The following C19orf18 variants were observed in gnomAD, a reference collection of about 807,000 sequenced individuals.
C19orf18 encodes chromosome 19 open reading frame 18.
A neutral mutation model predicts 23.3 loss-of-function variants in C19orf18; 21 were observed. The observed-to-expected ratio is 0.90, with a 90% confidence interval of 0.64 to 1.30. The LOEUF (loss-of-function observed/expected upper bound fraction) is 1.30, where lower values mean the gene tolerates loss of function less well. C19orf18 is among the 50% of genes most tolerant of loss of function. C19orf18 has a pLI of 0.00. For missense variants in C19orf18, 249 were observed against 259.6 expected, an observed-to-expected ratio of 0.96 and a Z score of 0.28; for synonymous variants, 96 against 95.2, an observed-to-expected ratio of 1.01 and a Z score of -0.05.
chr19:57,967,495 G>T (rs1328038839), intron 3 of C19orf18, among the ~76,000 whole-genome samples: 1 of 152,072 alleles, frequency 6.6e-6, no homozygotes, highest in Non-Finnish European at 1.5e-5. Flanking sequence ...GCCCACTCTT[G>T]TAATCCCAGC....
intron 3 of C19orf18, among the ~76,000 whole-genome samples, chr19:57,970,654 C>T (rs1336120740): frequency 1.3e-5 from 2 of 151,810 alleles, no homozygotes; most frequent in Admixed American, 6.6e-5. Flanking sequence ...GATCTCTGCT[C>T]ACTTCAACCT....
intron 3 of C19orf18, 32 bp downstream of exon 3, chr19:57,972,431 G>A: frequency 6.2e-7 from 1 of 1,612,064 alleles, no homozygotes; most frequent in Non-Finnish European, 8.5e-7. Flanking sequence ...AATGTTGCGG[G>A]TCCACCCGCC....
chr19:57,974,077 A>C (rs1003520146), intron 2 of C19orf18, 22 bp downstream of exon 2: 5 of 1,605,684 alleles, frequency 3.1e-6, no homozygotes, highest in Non-Finnish European at 4.3e-6. Flanking sequence ...CACTCCACTG[A>C]ATGAGGAATT....
At chr19:57,970,400 A>G (rs1304391739) in intron 3 of C19orf18, among the ~76,000 whole-genome samples, 2 of 152,170 alleles carry the variant, frequency 1.3e-5, no homozygotes, top group East Asian at 3.9e-4. Context: ...AAGTGAAACC[A>G]TAACTTCTCC....
intron 3 of C19orf18, among the ~76,000 whole-genome samples, chr19:57,969,812 A>G (rs554262761): frequency 1.3e-5 from 2 of 150,566 alleles, no homozygotes; most frequent in East Asian, 3.9e-4. Flanking sequence ...AGGCTGAGGC[A>G]GGAGAGCTGA....
At chr19:57,973,444 G>T (rs554573166) in intron 2 of C19orf18, among the ~76,000 whole-genome samples, 1 of 151,552 alleles carries the variant, frequency 6.6e-6, no homozygotes, top group Non-Finnish European at 1.5e-5. Context: ...AAGAATTCTC[G>T]GCTGGGCATG....
intron 4 of C19orf18, among the ~76,000 whole-genome samples, chr19:57,963,463 G>A (rs1357049204): frequency 6.6e-6 from 1 of 152,182 alleles, no homozygotes; most frequent in Non-Finnish European, 1.5e-5. Flanking sequence ...GAGTCAAAAG[G>A]AAAGGTGTGA....
chr19:57,958,476 T>C lies in C19orf18; in HGVS notation c.*126A>G. On this transcript the variant is annotated 3_prime_UTR_variant, in exon 6 of 6. Transcript: ENST00000314391. The stretch of plus-strand genomic sequence containing the variant: ...GGCTTTATTTTCTGGGATACAGGTC[T>C]GGCATTTCTTTCTTTGATGTCCTCT... 1.6e-6 allele frequency: 1 copy of C among 621,912 alleles called. No individual in the cohort carries two copies. The highest frequency in any genetic ancestry group is 2.8e-6 in the Non-Finnish European group (1 of 357,058). The allele number at this position is 621,912 out of a possible 1,614,324, so 38.5% of individuals were successfully genotyped here.
chr19:57,969,879 C>CA (rs71293938), intron 3 of C19orf18, among the ~76,000 whole-genome samples: 32,208 of 120,918 alleles, frequency 0.27, 4,342 homozygotes, highest in Non-Finnish European at 0.32. Flanking sequence ...AACTCCATCT[C>CA]AAAAAAAAAA....
intron 5 of C19orf18, among the ~76,000 whole-genome samples, chr19:57,958,979 G>T (rs1211614111): frequency 1.3e-5 from 2 of 152,186 alleles, no homozygotes; most frequent in African/African-American, 2.4e-5. Flanking sequence ...ATGTGGTAAA[G>T]AGACATTGGG....
chr19:57,959,153 T>C (rs10424113), intron 5 of C19orf18, among the ~76,000 whole-genome samples: 40,969 of 152,068 alleles, frequency 0.27, 6,001 homozygotes, highest in African/African-American at 0.38. Context: ...ACACTCTCTA[T>C]AGTTTTCTCT....
intron 4 of C19orf18, among the ~76,000 whole-genome samples, chr19:57,965,192 T>C (rs1424735422): frequency 6.6e-6 from 1 of 151,998 alleles, no homozygotes; most frequent in East Asian, 1.9e-4. Context: ...TGAATTGCAA[T>C]GGCGTGATCT....
intron 3 of C19orf18, among the ~76,000 whole-genome samples, chr19:57,967,109 G>GA (rs35871286): frequency 0.27 from 40,200 of 150,944 alleles, 5,852 homozygotes; most frequent in African/African-American, 0.38. Context: ...AAAGAAAACT[G>GA]AAACAGACCA....
intron 4 of C19orf18, 102 bp from the exon 5 acceptor site, chr19:57,961,653 T>C (rs1342426475): frequency 7.6e-7 from 1 of 1,315,922 alleles, no homozygotes; most frequent in East Asian, 2.3e-5. Context: ...GCTTGTGGAG[T>C]GGGTGCAGAC....
At chr19:57,969,549 T>C (rs28464302) in intron 3 of C19orf18, among the ~76,000 whole-genome samples, 33,443 of 118,744 alleles carry the variant, frequency 0.28, 4,829 homozygotes, top group African/African-American at 0.41. Flanking sequence ...AGTGAGACTC[T>C]GTCTTAAAAA....
At chr19:57,959,806 A>G (rs1199830985) in intron 5 of C19orf18, among the ~76,000 whole-genome samples, 5 of 149,392 alleles carry the variant, frequency 3.3e-5, no homozygotes, top group East Asian at 2.0e-4. Flanking sequence ...AAAAAAAAAA[A>G]AAAAAGAAAA....
intron 3 of C19orf18, among the ~76,000 whole-genome samples, chr19:57,970,085 AT>A (rs1055504555): frequency 6.6e-6 from 1 of 152,196 alleles, no homozygotes; most frequent in African/African-American, 2.4e-5. Flanking sequence ...AAATTAAATT[AT>A]TCAAACTTAA....
chr19:57,973,467 T>C (rs533870713), intron 2 of C19orf18, among the ~76,000 whole-genome samples: 6 of 152,224 alleles, frequency 3.9e-5, no homozygotes, highest in African/African-American at 1.2e-4. Context: ...GGCTCATGCC[T>C]GTAATCCCAG....
chr19:57,974,466 T>C lies in C19orf18; in HGVS notation c.-34A>G, dbSNP rs748837441. 7.5e-6 allele frequency: 12 copies of C among 1,610,050 alleles called. No individual in the cohort carries two copies. In the South Asian group the frequency reaches 1.1e-4, roughly 15 times the overall value. On this transcript the variant is annotated 5_prime_UTR_variant, in exon 1 of 6. Coordinates refer to ENST00000314391, the MANE Select transcript of C19orf18 (RefSeq NM_152474.5). The stretch of plus-strand genomic sequence containing the variant: ...AATTATCAGTATTTTATCCCGTAGA[T>C]GAAAGGAAATACTTAGCTACAGTCC...
Sources: gnomAD v4.1 joint callset for allele counts (sites outside exome capture counted in the v4.1 genomes callset) on GRCh38, gnomAD v4.1.1 for gene constraint, MANE v1.5 for transcripts, NCBI Gene and HGNC (gene_info 2026-07-23, HGNC 2026-07-21) for gene names.